C8orf34: variants seen among roughly 807,000 people sequenced by gnomAD.
The protein encoded by C8orf34 is uncharacterized protein C8orf34.
Under a neutral mutation model 68.3 loss-of-function variants are expected in C8orf34, and 65 were observed. That is an observed-to-expected ratio of 0.95 (90% CI 0.78 to 1.17). The LOEUF (loss-of-function observed/expected upper bound fraction) is 1.17. C8orf34 is among the 50% of genes most tolerant of loss of function. The probability of loss-of-function intolerance (pLI) is 0.00; values close to 1 mark genes in which losing one functional copy is unlikely to be tolerated. For missense variants in C8orf34, 664 were observed against 655.4 expected (o/e 1.01, Z -0.14); for synonymous variants, 244 against 241.2 (o/e 1.01, Z -0.11).
intron 8 of C8orf34, among the ~76,000 whole-genome samples, chr8:68,705,845 G>A (rs1821148919): frequency 6.6e-6 from 1 of 152,112 alleles, no homozygotes; most frequent in Non-Finnish European, 1.5e-5. Context: ...GATAAAATAG[G>A]TTGATGAGAC....
At chr8:68,769,964 C>T (rs769119813) in intron 10 of C8orf34, among the ~76,000 whole-genome samples, 4 of 152,088 alleles carry the variant, frequency 2.6e-5, no homozygotes, top group Non-Finnish European at 5.9e-5. Flanking sequence ...GGATGGCTTT[C>T]TGACTTGAAA....
intron 7 of C8orf34, among the ~76,000 whole-genome samples, chr8:68,584,556 A>C (rs1203074636): frequency 6.6e-6 from 1 of 152,158 alleles, no homozygotes; most frequent in Non-Finnish European, 1.5e-5. Flanking sequence ...CCAAATGCAC[A>C]TAAAGAGCAA....
At chr8:68,770,807 T>G (rs1490902472) in intron 10 of C8orf34, among the ~76,000 whole-genome samples, 2 of 152,224 alleles carry the variant, frequency 1.3e-5, no homozygotes. Flanking sequence ...ACATAATTGC[T>G]CCTTCTCATT....
chr8:68,737,065 G>C (rs974929357), intron 10 of C8orf34, among the ~76,000 whole-genome samples: 1 of 152,048 alleles, frequency 6.6e-6, no homozygotes, highest in Non-Finnish European at 1.5e-5. Context: ...ACAACTATAA[G>C]TAATAGGATT....
intron 1 of C8orf34, among the ~76,000 whole-genome samples, chr8:68,361,965 C>A (rs571530092): frequency 3.5e-4 from 54 of 152,308 alleles, no homozygotes; most frequent in African/African-American, 1.3e-3. Flanking sequence ...TCTCTATAGT[C>A]AGTTATGTGA....
At chr8:68,531,848 T>C (rs1186380311) in intron 6 of C8orf34, among the ~76,000 whole-genome samples, 1 of 152,068 alleles carries the variant, frequency 6.6e-6, no homozygotes, top group Non-Finnish European at 1.5e-5. Flanking sequence ...GAGGAACAGC[T>C]TAGCAGCAGG....
rs1221137370 is a variant in C8orf34, at chr8:68,818,856, T to C, written c.*610T>C. ...TTAAGTAAAGCAAATCAATAAGGAA[T>C]GAAATGCATGGCCCAAAACATAGAA... On this transcript the variant is annotated 3_prime_UTR_variant, in exon 14 of 14. Coordinates refer to ENST00000518698, the MANE Select transcript of C8orf34 (RefSeq NM_052958.4). The C allele has an allele frequency of 6.6e-5, 10 of 152,156 alleles. No individual in the cohort carries two copies. 9.4% of individuals were successfully genotyped at this position (152,156 alleles called of 1,614,324 possible). A position where few individuals can be genotyped will look rare whatever the true frequency, so the allele number is the denominator to read the frequency against.
At chr8:68,518,670 C>G (rs1195773971) in intron 5 of C8orf34, among the ~76,000 whole-genome samples, 1 of 151,914 alleles carries the variant, frequency 6.6e-6, no homozygotes, top group African/African-American at 2.4e-5. Flanking sequence ...GGCCAAGGTG[C>G]GTGGATCACA....
chr8:68,344,413 A>G (rs1806196436), intron 1 of C8orf34, among the ~76,000 whole-genome samples: 1 of 152,194 alleles, frequency 6.6e-6, no homozygotes, highest in African/African-American at 2.4e-5. Context: ...GAAATGAGGA[A>G]AGTGAATGAA....
intron 1 of C8orf34, among the ~76,000 whole-genome samples, chr8:68,428,807 C>G (rs971660562): frequency 8.6e-5 from 13 of 151,926 alleles, no homozygotes; most frequent in Non-Finnish European, 1.6e-4. Flanking sequence ...GAATATATGG[C>G]CACTTGATTC....
At chr8:68,647,038 A>G (rs1292296675) in intron 8 of C8orf34, among the ~76,000 whole-genome samples, 2 of 152,168 alleles carry the variant, frequency 1.3e-5, no homozygotes, top group African/African-American at 4.8e-5. Flanking sequence ...TTTGTAAACC[A>G]TACTCTGATA....
At chr8:68,452,805 T>C (rs562943895) in intron 3 of C8orf34, among the ~76,000 whole-genome samples, 95 of 151,656 alleles carry the variant, frequency 6.3e-4, no homozygotes, top group Non-Finnish European at 1.1e-3. Flanking sequence ...TTTTTTTGGC[T>C]TGTGTTTTTG....
chr8:68,699,255 A>G (rs1261134859), intron 8 of C8orf34, among the ~76,000 whole-genome samples: 1 of 151,972 alleles, frequency 6.6e-6, no homozygotes, highest in Non-Finnish European at 1.5e-5. Context: ...CTCTAGGAAT[A>G]AAAGCAGGCT....
chr8:68,680,601 A>G (rs1820339786), intron 8 of C8orf34, among the ~76,000 whole-genome samples: 1 of 152,296 alleles, frequency 6.6e-6, no homozygotes, highest in Non-Finnish European at 1.5e-5. Context: ...AGAACTACTA[A>G]TAAGGGTCTA....
chr8:68,516,448 G>T (rs1814517938), intron 5 of C8orf34, among the ~76,000 whole-genome samples: 1 of 152,108 alleles, frequency 6.6e-6, no homozygotes, highest in South Asian at 2.1e-4. Flanking sequence ...ATCAAGTGCT[G>T]TGCTGAGAAC....
chr8:68,521,974 G>A lies in C8orf34; in HGVS notation c.938+3G>A, dbSNP rs1279864641. On this transcript the variant is annotated splice_donor_region_variant and intron_variant, in intron 6 of 13. Transcript: ENST00000518698. ...AGTGGCTCTAGTCCTGCAGGAAGGT[G>A]AGATGAGCTGTCTGCTGAGATTCTA... 1.2e-6 allele frequency: 2 copies of A among 1,613,030 alleles called. No homozygotes were observed. Among genetic ancestry groups the A allele is most frequent in the Non-Finnish European group, 1.7e-6 (2 of 1,179,374 alleles).
At chr8:68,779,202 CA>C (rs1823606408) in intron 11 of C8orf34, among the ~76,000 whole-genome samples, 1 of 151,152 alleles carries the variant, frequency 6.6e-6, no homozygotes, top group Non-Finnish European at 1.5e-5. Context: ...CACACACACA[CA>C]CACACACACA....
chr8:68,508,781 T>G (rs1252446102), intron 5 of C8orf34, among the ~76,000 whole-genome samples: 1 of 152,114 alleles, frequency 6.6e-6, no homozygotes, highest in Non-Finnish European at 1.5e-5. Flanking sequence ...AGTCAAAAAA[T>G]GCAAGGCATC....
chr8:68,424,421 T>C (rs757237342), intron 1 of C8orf34, among the ~76,000 whole-genome samples: 4 of 152,086 alleles, frequency 2.6e-5, no homozygotes, highest in South Asian at 2.1e-4. Flanking sequence ...TATTTAAAAA[T>C]ATCACTTATC....
Sources: gnomAD v4.1 joint callset for allele counts (sites outside exome capture counted in the v4.1 genomes callset) on GRCh38, gnomAD v4.1.1 for gene constraint, MANE v1.5 for transcripts, NCBI Gene and HGNC (gene_info 2026-07-23, HGNC 2026-07-21) for gene names.